PRTG: variants seen among roughly 807,000 people sequenced by gnomAD.
PRTG encodes immunoglobulin superfamily, DCC subclass, member 5.
PRTG carries 67 observed loss-of-function variants against 122.5 expected under a neutral mutation model. The ratio of observed to expected loss-of-function variants is 0.55; its 90% CI spans 0.45 to 0.67. The LOEUF (loss-of-function observed/expected upper bound fraction) is 0.67, where lower values mean the gene tolerates loss of function less well. Ranked by LOEUF, PRTG falls within the 30% of genes least tolerant of loss-of-function variation. The pLI is 0.00. For synonymous variants in PRTG, 554 were observed against 501.1 expected (o/e 1.11, Z -1.41); for missense variants, 1,435 against 1,415.4 (o/e 1.01, Z -0.22).
intron 2 of PRTG, among the ~76,000 whole-genome samples, chr15:55,688,029 TAA>T (rs2059579794): frequency 1.3e-5 from 2 of 152,112 alleles, no homozygotes; most frequent in Admixed American, 6.6e-5. Flanking sequence ...CCTCCACAAA[TAA>T]AAGTGTTCCA....
At chr15:55,735,822 T>A (rs1374102442) in intron 2 of PRTG, among the ~76,000 whole-genome samples, 5 of 150,704 alleles carry the variant, frequency 3.3e-5, no homozygotes, top group African/African-American at 1.2e-4. Context: ...TAGGGCAAAG[T>A]GAGAAAAACT....
chr15:55,713,999 G>A (rs1365773944), intron 2 of PRTG, among the ~76,000 whole-genome samples: 1 of 152,046 alleles, frequency 6.6e-6, no homozygotes, highest in Non-Finnish European at 1.5e-5. Context: ...AGTAGGGCTA[G>A]GCCTAAAACT....
At chr15:55,696,305 T>C (rs192826095) in intron 2 of PRTG, among the ~76,000 whole-genome samples, 1 of 152,278 alleles carries the variant, frequency 6.6e-6, no homozygotes, top group African/African-American at 2.4e-5. Context: ...CTCTCAAGCA[T>C]CCACAATTTC....
intron 2 of PRTG, among the ~76,000 whole-genome samples, chr15:55,737,070 T>G (rs1030575116): frequency 6.6e-6 from 1 of 152,186 alleles, no homozygotes; most frequent in Non-Finnish European, 1.5e-5. Context: ...CATAGATCAT[T>G]TCTTATTCCT....
chr15:55,630,672 GT>G (rs1410468858), intron 15 of PRTG, among the ~76,000 whole-genome samples: 1 of 152,094 alleles, frequency 6.6e-6, no homozygotes, highest in East Asian at 1.9e-4. Context: ...CATTTCTTAG[GT>G]GTCTTTCTGT....
At chr15:55,646,372 G>T (rs2059323676) in intron 11 of PRTG, among the ~76,000 whole-genome samples, 1 of 149,646 alleles carries the variant, frequency 6.7e-6, no homozygotes, top group Admixed American at 6.7e-5. Context: ...GCCCAGGATG[G>T]AGTGCAGTGG....
chr15:55,667,220 A>AC (rs887884272), intron 11 of PRTG, among the ~76,000 whole-genome samples: 136 of 150,668 alleles, frequency 9.0e-4, no homozygotes, highest in African/African-American at 1.1e-3. Context: ...AAAAAAAAAA[A>AC]AACAGATAAT....
intron 2 of PRTG, among the ~76,000 whole-genome samples, chr15:55,736,877 T>A (rs1307100470): frequency 6.6e-6 from 1 of 152,202 alleles, no homozygotes; most frequent in African/African-American, 2.4e-5. Context: ...TCCTGTTCAA[T>A]CACTAGCTTA....
chr15:55,676,141 G>A (rs943200151), intron 8 of PRTG, among the ~76,000 whole-genome samples: 2 of 151,978 alleles, frequency 1.3e-5, no homozygotes, highest in Non-Finnish European at 2.9e-5. Flanking sequence ...GTTGTCCTGC[G>A]AAAGATCTCA....
rs904662558 is a variant in PRTG at position 55,612,786 on chromosome 15, C to G, written c.*7226G>C. 4 of 142,380 alleles carry G rather than the reference C, an allele frequency of 2.8e-5. No homozygotes were observed. In the South Asian group the frequency reaches 6.5e-4, roughly 23 times the overall value. The allele number at this position is 142,380 out of a possible 1,614,324, so 8.8% of individuals were successfully genotyped here. On this transcript the variant is annotated 3_prime_UTR_variant, in exon 20 of 20. Coordinates refer to ENST00000389286, the MANE Select transcript of PRTG (RefSeq NM_173814.6). ...GAGTAAGATGACTTCAAATTTAGTACTTTGAAAGTACAGTCAATTCCCATT... is the reference window on the plus strand; with the variant it reads ...GAGTAAGATGACTTCAAATTTAGTAGTTTGAAAGTACAGTCAATTCCCATT...
rs560544536 is a variant in PRTG at position 55,615,939 on chromosome 15, A to G, written c.*4073T>C. The G allele has an allele frequency of 6.6e-6, 1 of 152,256 alleles. No homozygotes were observed. The highest frequency in any genetic ancestry group is 6.5e-5 in the Admixed American group (1 of 15,280). 9.4% of individuals were successfully genotyped at this position (152,256 alleles called of 1,614,324 possible). On this transcript the variant is annotated 3_prime_UTR_variant, in exon 20 of 20. Coordinates refer to ENST00000389286, the MANE Select transcript of PRTG (RefSeq NM_173814.6). ...GAACAATGATCCTGGGTTGTCAACC[A>G]CGAGCACATTTCTGGCAGAAGTCCT... is the stretch of plus-strand genomic sequence containing the variant.
chr15:55,714,797 T>C (rs1415326595), intron 2 of PRTG, among the ~76,000 whole-genome samples: 5 of 152,172 alleles, frequency 3.3e-5, no homozygotes, highest in Non-Finnish European at 7.4e-5. Context: ...GCTTCTTAAA[T>C]AAACATAGCT....
chr15:55,678,176 C>T (rs904833814), intron 7 of PRTG, 132 bp from the exon 8 acceptor site: 1 of 622,052 alleles, frequency 1.6e-6, no homozygotes, highest in Non-Finnish European at 2.7e-6. Context: ...ATTTGTAGAA[C>T]ACTGCAGCAA....
chr15:55,725,479 C>T (rs530656998), intron 2 of PRTG, among the ~76,000 whole-genome samples: 101 of 151,716 alleles, frequency 6.7e-4, no homozygotes, highest in Non-Finnish European at 1.2e-3. Flanking sequence ...GCCTGCAGCC[C>T]AGCTACTTGG....
In PRTG at chr15:55,619,391, T is replaced by C. The variant is rs1468828202; in HGVS notation, c.*621A>G. On this transcript the variant is annotated 3_prime_UTR_variant, in exon 20 of 20. Transcript: ENST00000389286. ...ACTTATCCAAACCATGCAGATGTCA[T>C]AGTTTCTTTTTTTAAAAAAATCAGA... The C allele has an allele frequency of 6.5e-6, 1 of 152,764 alleles. No individual in the cohort carries two copies. Among genetic ancestry groups the C allele is most frequent in the Admixed American group, 6.5e-5 (1 of 15,302 alleles). The allele number at this position is 152,764 out of a possible 1,614,324, so 9.5% of individuals were successfully genotyped here.
chr15:55,640,067 G>A (rs1315948879), intron 12 of PRTG: 1 of 586,272 alleles, frequency 1.7e-6, no homozygotes, highest in Non-Finnish European at 2.1e-6. Flanking sequence ...TAAGAAATGT[G>A]TTAGGTTTTT....
chr15:55,618,191 A>AGTCT lies in PRTG; in HGVS notation c.*1817_*1820dup, dbSNP rs2059149108. ...GAAGTGGTTGCTGGCATTGAACTTT[A>AGTCT]GTCTTAATCACATCCAGTTTGGCAC... On this transcript the variant is annotated 3_prime_UTR_variant, in exon 20 of 20. Coordinates refer to ENST00000389286, the MANE Select transcript of PRTG (RefSeq NM_173814.6). The AGTCT allele has an allele frequency of 6.6e-6, 1 of 152,194 alleles. No individual in the cohort carries two copies. Among genetic ancestry groups the AGTCT allele is most frequent in the Non-Finnish European group, 1.5e-5 (1 of 68,038 alleles). 9.4% of individuals were successfully genotyped at this position (152,194 alleles called of 1,614,324 possible). A position where few individuals can be genotyped will look rare whatever the true frequency, so the allele number is the denominator to read the frequency against.
intron 2 of PRTG, among the ~76,000 whole-genome samples, chr15:55,704,215 G>C (rs910454729): frequency 2.4e-4 from 37 of 152,164 alleles, no homozygotes; most frequent in African/African-American, 8.9e-4. Context: ...TAAAGAATTA[G>C]TTCTGCTTAA....
At chr15:55,622,785 C>G (rs1314686381) in intron 18 of PRTG, among the ~76,000 whole-genome samples, 1 of 152,078 alleles carries the variant, frequency 6.6e-6, no homozygotes, top group Non-Finnish European at 1.5e-5. Flanking sequence ...ATACACCCAC[C>G]TTGGCCTCCC....
Sources: allele counts gnomAD v4.1 joint callset (sites outside exome capture counted in the v4.1 genomes callset), GRCh38; gene constraint gnomAD v4.1.1; transcripts MANE v1.5; gene names NCBI Gene and HGNC (gene_info 2026-07-23, HGNC 2026-07-21).